Variants in TNFSF8 observed in about 807,000 individuals in gnomAD.
TNFSF8 encodes TNF superfamily member 8.
Under a neutral mutation model 22.0 loss-of-function variants are expected in TNFSF8, and 4 were observed. The ratio of observed to expected loss-of-function variants is 0.18; its 90% CI spans 0.09 to 0.42. TNFSF8 has a LOEUF of 0.42. Ranked by LOEUF, TNFSF8 falls within the 10% of genes least tolerant of loss-of-function variation. The probability of loss-of-function intolerance (pLI) is 1.00; values close to 1 mark genes in which losing one functional copy is unlikely to be tolerated. For missense variants in TNFSF8, 233 were observed against 281.8 expected (o/e 0.83, Z 1.24); for synonymous variants, 106 against 112.5 (o/e 0.94, Z 0.37).
chr9:114,923,397 A>C lies in TNFSF8; in HGVS notation c.196-5259T>G, dbSNP rs140263501. On this transcript the variant is annotated intron_variant, in intron 1 of 3. Coordinates refer to ENST00000223795, the MANE Select transcript of TNFSF8 (RefSeq NM_001244.4). Reference sequence around the variant, plus strand: ...GCATTAGCTGATTCAGACAAGGATCATTAAGAAATGGCAAAACCACCAAGT... The same window carrying C: ...GCATTAGCTGATTCAGACAAGGATCCTTAAGAAATGGCAAAACCACCAAGT... 3.5e-3 allele frequency among the ~76,000 whole-genome samples: 534 copies of C among 152,358 alleles called. 3 individuals carry two copies. Among genetic ancestry groups the C allele is most frequent in the Middle Eastern group, 0.01 (3 of 294 alleles).
At chr9:114,914,002 C>T (rs953094533) in intron 2 of TNFSF8, among the ~76,000 whole-genome samples, 1 of 152,024 alleles carries the variant, frequency 6.6e-6, no homozygotes, top group African/African-American at 2.4e-5. Context: ...ATAAAAAGGG[C>T]CAGGGTATAT....
At chr9:114,920,202 C>A (rs1052523488) in intron 1 of TNFSF8, among the ~76,000 whole-genome samples, 1 of 152,140 alleles carries the variant, frequency 6.6e-6, no homozygotes, top group African/African-American at 2.4e-5. Flanking sequence ...CAAGCGTGAC[C>A]ATTGATTAGC....
Position 114,903,728 on chromosome 9 carries a change from C to T in TNFSF8, c.*203G>A. On this transcript the variant is annotated 3_prime_UTR_variant, in exon 4 of 4. Transcript: ENST00000223795. ...CCACCACACTACATTGCTTCCCTGC[C>T]TGCTATCTGAAAGATACTTCACTAA... 7.5e-7 allele frequency: 1 copy of T among 1,325,970 alleles called. No homozygotes were observed. Among genetic ancestry groups the T allele is most frequent in the Non-Finnish European group, 9.6e-7 (1 of 1,041,876 alleles). The allele number at this position is 1,325,970 out of a possible 1,614,324, so 82.1% of individuals were successfully genotyped here.
chr9:114,926,216 G>T (rs1273726772), intron 1 of TNFSF8, among the ~76,000 whole-genome samples: 1 of 152,068 alleles, frequency 6.6e-6, no homozygotes, highest in Non-Finnish European at 1.5e-5. Context: ...ATTTATTGAA[G>T]CGAAAATGCA....
At chr9:114,917,385 G>A (rs1827932684) in intron 2 of TNFSF8, among the ~76,000 whole-genome samples, 1 of 152,180 alleles carries the variant, frequency 6.6e-6, no homozygotes, top group South Asian at 2.1e-4. Context: ...GACCTTGGAC[G>A]AGATACTTCA....
chr9:114,896,189 G>A (rs916831277), downstream of TNFSF8, among the ~76,000 whole-genome samples: 1 of 152,192 alleles, frequency 6.6e-6, no homozygotes, highest in Admixed American at 6.5e-5. Context: ...AGGTGCACCT[G>A]AATCTCTTGG....
intron 1 of TNFSF8, among the ~76,000 whole-genome samples, chr9:114,923,478 T>TTCTTTTTCTTTCTTTC (rs376484064): frequency 9.5e-6 from 1 of 105,682 alleles, no homozygotes; most frequent in East Asian, 2.4e-4. Flanking sequence ...TTTTCTTTCT[T>TTCTTTTTCTTTCTTTC]TTTCTTTCTT....
At chr9:114,905,787 C>T (rs779443839) in intron 3 of TNFSF8, 41 bp downstream of exon 3, 16 of 1,482,942 alleles carry the variant, frequency 1.1e-5, no homozygotes, top group Admixed American at 3.4e-5. Flanking sequence ...GCCACAGAAG[C>T]GGTTTTCATA....
At position 114,903,770 on chromosome 9, in the gene TNFSF8, C is replaced by T. The variant is rs1827746872; in HGVS notation, c.*161G>A. The T allele has an allele frequency of 1.4e-6, 2 of 1,396,170 alleles. No homozygotes were observed. Among genetic ancestry groups the T allele is most frequent in the South Asian group, 1.8e-5 (1 of 55,862 alleles). 86.5% of individuals were successfully genotyped at this position (1,396,170 alleles called of 1,614,324 possible). ...CTTCACTAAAAACTCTCTTTTTAAC[C>T]CTGGAGCTGTATCTTTCCAAGAGAC... On this transcript the variant is annotated 3_prime_UTR_variant, in exon 4 of 4. Coordinates refer to ENST00000223795, the MANE Select transcript of TNFSF8 (RefSeq NM_001244.4).
chr9:114,900,261 C>T (rs949568140), downstream of TNFSF8, among the ~76,000 whole-genome samples: 1 of 152,122 alleles, frequency 6.6e-6, no homozygotes, highest in African/African-American at 2.4e-5. Context: ...TCCAGGAATA[C>T]CACTTATTCT....
In TNFSF8 at chr9:114,923,733, G is replaced by T. The variant is rs551236648; in HGVS notation, c.196-5595C>A. Among the ~76,000 whole-genome samples, 4 of 151,846 alleles carry T rather than the reference G, an allele frequency of 2.6e-5. 1 individual carries two copies. Among genetic ancestry groups the T allele is most frequent in the African/African-American group, 9.7e-5 (4 of 41,390 alleles). On this transcript the variant is annotated intron_variant, in intron 1 of 3. Transcript: ENST00000223795. ...GGATTTCGCCATGTTGGCCAGCCTG[G>T]TCTTGAAATCCTGGCCTCAAGTGAT...
Position 114,902,591 on chromosome 9 carries a change from G to T in TNFSF8, c.*1340C>A, listed in dbSNP as rs982240519. The T allele has an allele frequency of 1.4e-5, 14 of 985,238 alleles. No individual in the cohort carries two copies. The highest frequency in any genetic ancestry group is 1.7e-5 in the Non-Finnish European group (14 of 829,932). The allele number at this position is 985,238 out of a possible 1,614,324, so 61.0% of individuals were successfully genotyped here. A position where few individuals can be genotyped will look rare whatever the true frequency, so the allele number is the denominator to read the frequency against. ...GAGATCCTGCTGTTCACACCATTCA[G>T]CAGGGCACCCTGAACCTTGTCCCCA... On this transcript the variant is annotated 3_prime_UTR_variant, in exon 4 of 4. Coordinates refer to ENST00000223795, the MANE Select transcript of TNFSF8 (RefSeq NM_001244.4).
At position 114,901,619 on chromosome 9, in the gene TNFSF8, T is replaced by C; in HGVS notation, c.*2312A>G. 2.2e-5 allele frequency: 22 copies of C among 985,328 alleles called. No individual in the cohort carries two copies. Among genetic ancestry groups the C allele is most frequent in the Non-Finnish European group, 2.5e-5 (21 of 829,798 alleles). 61.0% of individuals were successfully genotyped at this position (985,328 alleles called of 1,614,324 possible). A position where few individuals can be genotyped will look rare whatever the true frequency, so the allele number is the denominator to read the frequency against. ...AGATTCATTTGTCCTATGCAGTTAG[T>C]GTGTGACTCAAATGCCAGCCATTTC... is the stretch of plus-strand genomic sequence containing the variant. On this transcript the variant is annotated 3_prime_UTR_variant, in exon 4 of 4. Transcript: ENST00000223795.
chr9:114,908,743 A>G (rs1176181005), intron 2 of TNFSF8, among the ~76,000 whole-genome samples: 2 of 152,230 alleles, frequency 1.3e-5, no homozygotes, highest in Non-Finnish European at 2.9e-5. Flanking sequence ...GATGGTTTCT[A>G]GCTAAAGGGA....
In TNFSF8 at chr9:114,902,513, T is replaced by G; in HGVS notation, c.*1418A>C. On this transcript the variant is annotated 3_prime_UTR_variant, in exon 4 of 4. Transcript: ENST00000223795. ...TCAGATGGTTTCCCAAACACCCAGA[T>G]GGTCTCTTAGATTCTGGATGGTCAG... 1 of 985,436 alleles carries G rather than the reference T, an allele frequency of 1.0e-6. No individual in the cohort carries two copies. Among genetic ancestry groups the G allele is most frequent in the Non-Finnish European group, 1.2e-6 (1 of 829,920 alleles). The allele number at this position is 985,436 out of a possible 1,614,324, so 61.0% of individuals were successfully genotyped here. A position where few individuals can be genotyped will look rare whatever the true frequency, so the allele number is the denominator to read the frequency against.
intron 2 of TNFSF8, among the ~76,000 whole-genome samples, chr9:114,915,081 C>A (rs1194469034): frequency 2.6e-5 from 4 of 152,130 alleles, no homozygotes; most frequent in East Asian, 1.9e-4. Context: ...AGTGACAAAC[C>A]ACATGCTGCC....
chr9:114,913,128 C>A (rs994389660), intron 2 of TNFSF8, among the ~76,000 whole-genome samples: 12 of 152,122 alleles, frequency 7.9e-5, no homozygotes, highest in Non-Finnish European at 1.5e-5. Flanking sequence ...GTCAGCATTC[C>A]AAATTCCTGG....
downstream of TNFSF8, among the ~76,000 whole-genome samples, chr9:114,897,449 T>G (rs1827668710): frequency 6.6e-6 from 1 of 152,102 alleles, no homozygotes; most frequent in Admixed American, 6.5e-5. Context: ...GTTCCTGCCT[T>G]CTGGGAATTT....
At chr9:114,921,890 G>A (rs1162321456) in intron 1 of TNFSF8, among the ~76,000 whole-genome samples, 1 of 152,172 alleles carries the variant, frequency 6.6e-6, no homozygotes, top group Non-Finnish European at 1.5e-5. Flanking sequence ...TTTGGCCTCT[G>A]TAGATGTCTG....
Sources: gnomAD v4.1 joint callset for allele counts (sites outside exome capture counted in the v4.1 genomes callset) on GRCh38, gnomAD v4.1.1 for gene constraint, MANE v1.5 for transcripts, NCBI Gene and HGNC (gene_info 2026-07-23, HGNC 2026-07-21) for gene names.